SFMBT2: variants seen among roughly 807,000 people sequenced by gnomAD.
SFMBT2 encodes the protein scm-like with four MBT domains protein 2.
SFMBT2 carries 38 observed loss-of-function variants against 110.1 expected under a neutral mutation model. The observed-to-expected ratio is 0.35, with a 90% CI of 0.27 to 0.45. SFMBT2 has a LOEUF of 0.45. SFMBT2 is among the 20% of genes least tolerant of loss of function. SFMBT2 has a pLI of 1.00. For missense variants in SFMBT2, 1,011 were observed against 1,094.9 expected (o/e 0.92, Z 1.08); for synonymous variants, 425 against 425.4 (o/e 1.00, Z 0.01).
chr10:7,292,788 G>A (rs1325454252), intron 4 of SFMBT2, among the ~76,000 whole-genome samples: 2 of 152,076 alleles, frequency 1.3e-5, no homozygotes, highest in Admixed American at 6.5e-5. Flanking sequence ...AGGCTGAGGC[G>A]GGCGGATCAC....
chr10:7,400,147 C>T (rs1846033760), intron 1 of SFMBT2, among the ~76,000 whole-genome samples: 1 of 152,214 alleles, frequency 6.6e-6, no homozygotes, highest in South Asian at 2.1e-4. Context: ...GGCCAGTTGA[C>T]ACGTGGCCCT....
In SFMBT2 at chr10:7,248,563, A is replaced by C; in HGVS notation, c.957T>G (p.Pro319=). ...GAAAACCCACCTTAGTCACCGACGCAGGAGAGATGTAAAAGGGCTCGCACA... is the reference window on the plus strand; with the variant it reads ...GAAAACCCACCTTAGTCACCGACGCCGGAGAGATGTAAAAGGGCTCGCACA... ...VNMCEPFYIS[P]ASVTKVFNNH... The change falls in exon 8 of 21, where the codon CCT becomes CCG. Residue 319 remains proline, a synonymous_variant. Transcript: ENST00000397167. 6.2e-7 allele frequency: 1 copy of C among 1,614,118 alleles called. No homozygotes were observed. The highest frequency in any genetic ancestry group is 8.5e-7 in the Non-Finnish European group (1 of 1,179,964).
In SFMBT2 at chr10:7,220,536, G is replaced by C; in HGVS notation, c.1205C>G (p.Thr402Arg). The change falls in exon 11 of 21, where the codon ACA (threonine) becomes AGA (arginine). Residue 402 changes from threonine (T) to arginine (R), a missense_variant and splice_region_variant. Transcript: ENST00000397167. Reference sequence around the variant, plus strand: ...CTTTGTGAAACCTCGACTGAATGATGTCTGCAAGAGAAACGAGACCAACAC... The same window carrying C: ...CTTTGTGAAACCTCGACTGAATGATCTCTGCAAGAGAAACGAGACCAACAC... ...QEAPPFCFRN[T>R]SFSRGFTKNM... 6.2e-7 allele frequency: 1 copy of C among 1,614,098 alleles called. No homozygotes were observed.
chr10:7,206,191 C>A, intron 11 of SFMBT2: 1 of 985,360 alleles, frequency 1.0e-6, no homozygotes, highest in South Asian at 4.7e-5. Context: ...AAGAGAGATA[C>A]TCTGCCCTAA....
chr10:7,320,621 A>C, intron 4 of SFMBT2: 1 of 985,118 alleles, frequency 1.0e-6, no homozygotes, highest in South Asian at 4.7e-5. Context: ...ATTCCTTTTC[A>C]TTCTTACCAC....
At chr10:7,250,545 A>G (rs960189493) in intron 7 of SFMBT2, among the ~76,000 whole-genome samples, 15 of 152,290 alleles carry the variant, frequency 9.8e-5, no homozygotes, top group Non-Finnish European at 1.9e-4. Context: ...GCTGCAATGA[A>G]TGTGTGAGTG....
chr10:7,343,250 C>A (rs1206556183), intron 4 of SFMBT2, among the ~76,000 whole-genome samples: 7 of 151,910 alleles, frequency 4.6e-5, no homozygotes, highest in African/African-American at 7.3e-5. Flanking sequence ...GCGTAGTATT[C>A]CATGGTGTAT....
intron 9 of SFMBT2, among the ~76,000 whole-genome samples, chr10:7,231,114 T>TA (rs147619623): frequency 0.017 from 2,651 of 152,258 alleles, 59 homozygotes; most frequent in African/African-American, 0.058. Context: ...AAGAAAAGTG[T>TA]AACGTGGCTG....
At chr10:7,257,098 A>AAGGGGAGGGGAGGGAAGGGGAGGGG (rs1841034484) in intron 7 of SFMBT2, among the ~76,000 whole-genome samples, 1 of 74,776 alleles carries the variant, frequency 1.3e-5, no homozygotes, top group Non-Finnish European at 2.6e-5. Context: ...TTGGAAAGGG[A>AAGGGGAGGGGAGGGAAGGGGAGGGG]AGGGGAGGGG....
intron 7 of SFMBT2, chr10:7,249,012 C>G (rs1321636418): frequency 1.7e-6 from 1 of 577,680 alleles, no homozygotes; most frequent in South Asian, 7.5e-5. Context: ...CACCAGGTCT[C>G]TTGCTACTGG....
chr10:7,344,021 G>A (rs1238165765), intron 4 of SFMBT2, among the ~76,000 whole-genome samples: 2 of 152,164 alleles, frequency 1.3e-5, no homozygotes, highest in Non-Finnish European at 2.9e-5. Context: ...TTATTCATAT[G>A]CTCTGAAAGA....
At chr10:7,195,076 T>C (rs1297352755) in intron 15 of SFMBT2, among the ~76,000 whole-genome samples, 1 of 152,242 alleles carries the variant, frequency 6.6e-6, no homozygotes, top group African/African-American at 2.4e-5. Flanking sequence ...GTCCTCATCC[T>C]ATCACTCACA....
chr10:7,200,312 C>T (rs987264260), intron 14 of SFMBT2, 102 bp downstream of exon 14: 14 of 893,306 alleles, frequency 1.6e-5, no homozygotes, highest in South Asian at 1.5e-4. Flanking sequence ...AGAATAGGCT[C>T]AACGTTGAGA....
chr10:7,274,434 T>G (rs1329764918), intron 7 of SFMBT2, among the ~76,000 whole-genome samples: 2 of 152,186 alleles, frequency 1.3e-5, no homozygotes, highest in Non-Finnish European at 2.9e-5. Context: ...CGTAATTGAA[T>G]CATGCAGGCG....
At chr10:7,370,730 G>C (rs1463716188) in intron 2 of SFMBT2, 1 of 588,762 alleles carries the variant, frequency 1.7e-6, no homozygotes, top group African/African-American at 2.0e-5. Flanking sequence ...TGGAGGACAA[G>C]GCGAAGGAAC....
chr10:7,226,301 G>A (rs577036294), intron 10 of SFMBT2, among the ~76,000 whole-genome samples: 2 of 152,348 alleles, frequency 1.3e-5, no homozygotes, highest in Admixed American at 6.5e-5. Context: ...CCTTGCTGCT[G>A]ATGTGCTTCT....
In SFMBT2 at chr10:7,180,295, A is replaced by ATTT. The variant is rs35437776; in HGVS notation, c.1809-4133_1809-4131dup. On this transcript the variant is annotated intron_variant, in intron 16 of 20. Coordinates refer to ENST00000397167, the MANE Select transcript of SFMBT2 (RefSeq NM_001387889.1). Reference sequence around the variant, plus strand: ...GCCCACCACCACGCCTATAGTGGTAATTTTTTTTTTTTTTTGTATTTTTAG... The same window carrying ATTT: ...GCCCACCACCACGCCTATAGTGGTAATTTTTTTTTTTTTTTTTTGTATTTTTAG... Among the ~76,000 whole-genome samples, 534 of 143,708 alleles carry ATTT rather than the reference A, an allele frequency of 3.7e-3. 1 individual carries two copies. The highest frequency in any genetic ancestry group is 0.016 in the South Asian group (71 of 4,506). 94.3% of individuals were successfully genotyped at this position (143,708 alleles called of 152,430 possible). A position where few individuals can be genotyped will look rare whatever the true frequency, so the allele number is the denominator to read the frequency against.
chr10:7,175,206 C>A (rs117573972), intron 17 of SFMBT2, among the ~76,000 whole-genome samples: 10 of 152,130 alleles, frequency 6.6e-5, no homozygotes, highest in African/African-American at 2.4e-4. Flanking sequence ...TGAGGGGAGA[C>A]GCAGGAAACT....
rs1458443983 is a variant in SFMBT2 at position 7,408,572 on chromosome 10, G to T, written c.-52+2289C>A. 2.6e-5 allele frequency among the ~76,000 whole-genome samples: 4 copies of T among 151,986 alleles called. No homozygotes were observed. Among genetic ancestry groups the T allele is most frequent in the Non-Finnish European group, 5.9e-5 (4 of 67,916 alleles). On this transcript the variant is annotated intron_variant, in intron 1 of 20. Transcript: ENST00000397167. This position sits in a 1 kb window ranked among gnomAD's most constrained non-coding sequence, Gnocchi z 5.7. ...CCTCCCACCTGCCCCCGCCAGCCCC[G>T]GGGACCGTGCGCGGCCTCCGTGTGG...
Sources: allele counts gnomAD v4.1 joint callset (sites outside exome capture counted in the v4.1 genomes callset), GRCh38; gene constraint gnomAD v4.1.1; non-coding constraint Gnocchi (gnomAD v3.1); transcripts MANE v1.5; gene names NCBI Gene and HGNC (gene_info 2026-07-23, HGNC 2026-07-21).